Variants in TRAFD1 observed in about 807,000 individuals in gnomAD.
TRAFD1 encodes the protein TRAF-type zinc finger domain containing 1.
A neutral mutation model predicts 65.3 loss-of-function variants in TRAFD1; 38 were observed. That is an observed-to-expected ratio of 0.58 (90% CI 0.45 to 0.76). The LOEUF is 0.76. Ranked by LOEUF, TRAFD1 falls within the 30% of genes least tolerant of loss-of-function variation. TRAFD1 has a pLI of 0.00. For missense variants in TRAFD1, 631 were observed against 712.6 expected (o/e 0.89, Z 1.30); for synonymous variants, 223 against 257.2 (o/e 0.87, Z 1.27).
chr12:112,149,479 GAAAAA>G, intron 8 of TRAFD1: 1 of 299,920 alleles, frequency 3.3e-6, no homozygotes. Context: ...TTAAAAAACA[GAAAAA>G]AAAAAGAAAT....
At chr12:112,133,092 C>G (rs2079574066) in intron 2 of TRAFD1, 1 of 152,164 alleles carries the variant, frequency 6.6e-6, no homozygotes, top group Admixed American at 6.5e-5. Context: ...TTTAAATGGT[C>G]TTACTCTTTC....
At chr12:112,150,868 CTTA>C (rs1160710304) in intron 9 of TRAFD1, among the ~76,000 whole-genome samples, 3 of 150,650 alleles carry the variant, frequency 2.0e-5, no homozygotes, top group Admixed American at 1.3e-4. Context: ...CAGCCTCAAA[CTTA>C]TTATTATTAC....
chr12:112,150,894 T>C (rs2030386167), intron 9 of TRAFD1, among the ~76,000 whole-genome samples: 1 of 149,434 alleles, frequency 6.7e-6, no homozygotes, highest in Non-Finnish European at 1.5e-5. Flanking sequence ...AAGACCATCA[T>C]GTTTAGGCAA....
In TRAFD1 at chr12:112,152,583, T is replaced by C. The variant is rs917714260; in HGVS notation, c.1692+84T>C. On this transcript the variant is annotated intron_variant, in intron 11 of 11. Coordinates refer to ENST00000412615, the MANE Select transcript of TRAFD1 (RefSeq NM_006700.3). The surrounding 1 kb of genome is among the most constrained non-coding windows in gnomAD (Gnocchi z 5.0). The stretch of plus-strand genomic sequence containing the variant: ...GTGGCTCCTGAAGTTGTAGAAGTTG[T>C]TGGGACCAGGCTGGTTGTGGTTCAA... 6.3e-6 allele frequency: 10 copies of C among 1,598,648 alleles called. No homozygotes were observed. The highest frequency in any genetic ancestry group is 1.3e-5 in the African/African-American group (1 of 74,692).
At chr12:112,141,298 C>A in intron 5 of TRAFD1, 74 bp downstream of exon 5, 1 of 1,526,084 alleles carries the variant, frequency 6.6e-7, no homozygotes, top group Non-Finnish European at 8.9e-7. Context: ...GGCTTTGGGG[C>A]CAGATAGATC....
chr12:112,143,278 A>T (rs1252211384), intron 6 of TRAFD1, among the ~76,000 whole-genome samples: 1 of 151,966 alleles, frequency 6.6e-6, no homozygotes. Context: ...ACGGGGTTTC[A>T]CTGTATTAGC....
At chr12:112,139,939 T>C (rs533681528) in intron 4 of TRAFD1, among the ~76,000 whole-genome samples, 1 of 152,106 alleles carries the variant, frequency 6.6e-6, no homozygotes, top group South Asian at 2.1e-4. Flanking sequence ...GAGGTGAAGG[T>C]TGTAGTGAGC....
chr12:112,136,997 G>A (rs1219236931), intron 4 of TRAFD1, among the ~76,000 whole-genome samples: 1 of 152,192 alleles, frequency 6.6e-6, no homozygotes. Flanking sequence ...GGCTGAGGTG[G>A]GTGGATCACA....
intron 1 of TRAFD1, among the ~76,000 whole-genome samples, chr12:112,129,162 A>G (rs1327930887): frequency 6.6e-6 from 1 of 151,220 alleles, no homozygotes; most frequent in Non-Finnish European, 1.5e-5. Context: ...TCCTAGATTG[A>G]ATGCTGAACC....
chr12:112,142,854 G>C (rs2030130538), intron 6 of TRAFD1, among the ~76,000 whole-genome samples: 1 of 152,014 alleles, frequency 6.6e-6, no homozygotes, highest in African/African-American at 2.4e-5. Flanking sequence ...AGTAATGTGA[G>C]GAAATATTAA....
rs1222255163 is a variant in TRAFD1 at position 112,130,411 on chromosome 12, GT to G, written c.-12-99del. The G allele has an allele frequency of 6.2e-6, 5 of 806,440 alleles. No homozygotes were observed. Among genetic ancestry groups the G allele is most frequent in the African/African-American group, 3.5e-5 (2 of 57,918 alleles). The allele number at this position is 806,440 out of a possible 1,614,324, so 50.0% of individuals were successfully genotyped here. A position where few individuals can be genotyped will look rare whatever the true frequency, so the allele number is the denominator to read the frequency against. The stretch of plus-strand genomic sequence containing the variant: ...AAAATGCTTTAACATGCAGGTTTGG[GT>G]GACAGTTTCTGTATACTAGTTTTTT... On this transcript the variant is annotated intron_variant, in intron 1 of 11. Coordinates refer to ENST00000412615, the MANE Select transcript of TRAFD1 (RefSeq NM_006700.3). This position sits in a 1 kb window ranked among gnomAD's most constrained non-coding sequence, Gnocchi z 4.4.
rs776403931 is a variant in TRAFD1, at chr12:112,130,488, A to G, written c.-12-23A>G. ...AAAGCAGAAATGAAAGAGAAAGTTC[A>G]TGTCTTCCTTTGTGGTTTTCAGGAA... On this transcript the variant is annotated intron_variant, in intron 1 of 11. Transcript: ENST00000412615. This position sits in a 1 kb window ranked among gnomAD's most constrained non-coding sequence, Gnocchi z 4.4. The G allele has an allele frequency of 6.3e-7, 1 of 1,598,628 alleles. No homozygotes were observed. Among genetic ancestry groups the G allele is most frequent in the Non-Finnish European group, 8.6e-7 (1 of 1,168,152 alleles).
Position 112,148,081 on chromosome 12 carries a change from G to C in TRAFD1, c.935G>C (p.Cys312Ser), listed in dbSNP as rs1566051350. Residue 312 changes from cysteine to serine, a missense_variant, in exon 8 of 12, where the codon TGT (cysteine) becomes TCT (serine). Cys to Ser is a moderately radical substitution (Grantham distance 112). Transcript: ENST00000412615. ...ATATTTTTTGAATGACAGACAAGCT[G>C]TAACCCTTCACGTGCCTTACCTTCA... is the stretch of plus-strand genomic sequence containing the variant. The part of the protein sequence containing the change: ...EELLIDHQTS[C>S]NPSRALPSLN... The C allele has an allele frequency of 6.2e-7, 1 of 1,614,010 alleles. No individual in the cohort carries two copies. The highest frequency in any genetic ancestry group is 1.1e-5 in the South Asian group (1 of 91,072).
intron 4 of TRAFD1, among the ~76,000 whole-genome samples, chr12:112,135,692 C>T (rs768384832): frequency 1.3e-5 from 2 of 151,744 alleles, no homozygotes; most frequent in Non-Finnish European, 2.9e-5. Flanking sequence ...CAGGCGTGAG[C>T]CACCACATCT....
chr12:112,130,418 T>C lies in TRAFD1; in HGVS notation c.-12-93T>C. 1.1e-6 allele frequency: 1 copy of C among 916,486 alleles called. No homozygotes were observed. The allele number at this position is 916,486 out of a possible 1,614,324, so 56.8% of individuals were successfully genotyped here. On this transcript the variant is annotated intron_variant, in intron 1 of 11. Transcript: ENST00000412615. This position sits in a 1 kb window ranked among gnomAD's most constrained non-coding sequence, Gnocchi z 4.4. Reference sequence around the variant, plus strand: ...TTTAACATGCAGGTTTGGGTGACAGTTTCTGTATACTAGTTTTTTATTTGT... The same window carrying C: ...TTTAACATGCAGGTTTGGGTGACAGCTTCTGTATACTAGTTTTTTATTTGT...
intron 4 of TRAFD1, 48 bp downstream of exon 4, chr12:112,135,114 C>G (rs763334807): frequency 2.5e-6 from 4 of 1,606,938 alleles, no homozygotes. Context: ...GCTGAGATTA[C>G]AGACCCACAT....
intron 9 of TRAFD1, among the ~76,000 whole-genome samples, chr12:112,150,114 G>A (rs1035868269): frequency 6.6e-6 from 1 of 152,216 alleles, no homozygotes; most frequent in African/African-American, 2.4e-5. Context: ...GTAGTAGTAA[G>A]TGCTTGTAAT....
Position 112,145,667 on chromosome 12 carries a change from G to A in TRAFD1, c.927+5G>A. Reference sequence around the variant, plus strand: ...GAACTGCTGATTGACCATCAGGTGTGTTATGAATTACTTGAGGACTTTTAG... The same window carrying A: ...GAACTGCTGATTGACCATCAGGTGTATTATGAATTACTTGAGGACTTTTAG... On this transcript the variant is annotated splice_donor_5th_base_variant and intron_variant, in intron 7 of 11. Transcript: ENST00000412615. 1 of 1,613,922 alleles carries A rather than the reference G, an allele frequency of 6.2e-7. No homozygotes were observed. The highest frequency in any genetic ancestry group is 8.5e-7 in the Non-Finnish European group (1 of 1,179,888).
chr12:112,152,421 T>C lies in TRAFD1; in HGVS notation c.1620-6T>C. The C allele has an allele frequency of 6.2e-7, 1 of 1,612,620 alleles. No individual in the cohort carries two copies. Among genetic ancestry groups the C allele is most frequent in the Non-Finnish European group, 8.5e-7 (1 of 1,180,046 alleles). On this transcript the variant is annotated splice_region_variant and splice_polypyrimidine_tract_variant and intron_variant, in intron 10 of 11. Coordinates refer to ENST00000412615, the MANE Select transcript of TRAFD1 (RefSeq NM_006700.3). The surrounding 1 kb of genome is among the most constrained non-coding windows in gnomAD (Gnocchi z 5.0). ...CAGGAGCTAGTTTCTAATTGTTTTC[T>C]TTCAGTGGTAGGAGTGAAGGTGGCA...
Sources: gnomAD v4.1 joint callset for allele counts (sites outside exome capture counted in the v4.1 genomes callset) on GRCh38, gnomAD v4.1.1 for gene constraint, Gnocchi (gnomAD v3.1) non-coding constraint, MANE v1.5 for transcripts, NCBI Gene and HGNC (gene_info 2026-07-23, HGNC 2026-07-21) for gene names.